SLC19A1: variants seen among roughly 807,000 people sequenced by gnomAD.
The protein encoded by SLC19A1 is reduced folate transporter.
A neutral mutation model predicts 35.3 loss-of-function variants in SLC19A1; 37 were observed. That is an observed-to-expected ratio of 1.05 (90% CI 0.81 to 1.38). The LOEUF (loss-of-function observed/expected upper bound fraction) is 1.38, where lower values mean the gene tolerates loss of function less well. Ranked by LOEUF, SLC19A1 falls within the 40% of genes most tolerant of loss-of-function variation. The probability of loss-of-function intolerance (pLI) is 0.00; values close to 1 mark genes in which losing one functional copy is unlikely to be tolerated. For synonymous variants in SLC19A1, 460 were observed against 398.5 expected (o/e 1.15, Z -1.84); for missense variants, 831 against 826.9 (o/e 1.00, Z -0.06).
At chr21:45,527,457 G>GT (rs2077675067) in intron 4 of SLC19A1, among the ~76,000 whole-genome samples, 1 of 143,190 alleles carries the variant, frequency 7.0e-6, no homozygotes, top group Non-Finnish European at 1.5e-5. Context: ...TGGCAGCCAG[G>GT]CAGGGCGGGC....
intron 1 of SLC19A1, among the ~76,000 whole-genome samples, chr21:45,538,295 GTTAA>G (rs1252491925): frequency 6.6e-6 from 1 of 152,250 alleles, no homozygotes. Context: ...TCAAAACCAA[GTTAA>G]TTAACTAATT....
At chr21:45,545,547 A>T (rs1264552369), upstream of SLC19A1, among the ~76,000 whole-genome samples, 1 of 151,992 alleles carries the variant, frequency 6.6e-6, no homozygotes, top group African/African-American at 2.4e-5. Context: ...TATGATACCC[A>T]GTCTCTGTGT....
At chr21:45,538,748 C>T (rs989845904) in intron 1 of SLC19A1, among the ~76,000 whole-genome samples, 3 of 152,150 alleles carry the variant, frequency 2.0e-5, no homozygotes, top group East Asian at 1.9e-4. Context: ...GCATCCCCGG[C>T]GGCAGGTTAC....
chr21:45,508,380 G>A (rs2037364666), downstream of SLC19A1, among the ~76,000 whole-genome samples: 1 of 151,156 alleles, frequency 6.6e-6, no homozygotes, highest in Non-Finnish European at 1.5e-5. Context: ...GTGGATGGAT[G>A]GTGGGCAGAT....
chr21:45,504,236 T>TG (rs1392002889), intron 3 of SLC19A1: 1 of 900,428 alleles, frequency 1.1e-6, no homozygotes, highest in Non-Finnish European at 1.8e-6. Context: ...GCTCAGTTTT[T>TG]GGGGGACTCG....
At chr21:45,547,416 C>T (rs1369419587), upstream of SLC19A1, among the ~76,000 whole-genome samples, 1 of 152,184 alleles carries the variant, frequency 6.6e-6, no homozygotes, top group Non-Finnish European at 1.5e-5. Context: ...TACCTGACCC[C>T]CTTTTGGAAT....
chr21:45,552,365 G>A (rs376804517), intron 1 of SLC19A1, among the ~76,000 whole-genome samples: 70 of 152,236 alleles, frequency 4.6e-4, no homozygotes, highest in African/African-American at 1.6e-3. Context: ...CTGCCCTCCT[G>A]TCCACTCCAG....
chr21:45,552,181 G>A (rs1167951115), intron 1 of SLC19A1, among the ~76,000 whole-genome samples: 1 of 152,190 alleles, frequency 6.6e-6, no homozygotes, highest in Non-Finnish European at 1.5e-5. Flanking sequence ...AGTGGGTGAG[G>A]CCACTGTCAG....
rs199718927 is a variant in SLC19A1 at position 45,505,857 on chromosome 21, G to A, written c.498-7245C>T. ...CAGCAGGTGAGGCTCTGGGCTACAC[G>A]CCAGGCCATGCTGGGCCAGGTGCAC... On this transcript the variant is annotated intron_variant, in intron 3 of 4. Coordinates refer to the SLC19A1 transcript ENST00000417954. 5.7e-5 allele frequency: 90 copies of A among 1,592,740 alleles called. No individual in the cohort carries two copies. The highest frequency in any genetic ancestry group is 3.0e-4 in the East Asian group (13 of 43,298).
Position 45,531,584 on chromosome 21 carries a change from C to T in SLC19A1, c.754G>A (p.Ala252Thr), listed in dbSNP as rs1330069067. ...LRVACGDSVL[A>T]RMLRELGDSL... Reference sequence around the variant, plus strand: ...TCCCCCAGCTCCCGCAGCATCCGCGCCAGCACTGAGTCCCCACAGGCCACC... The same window carrying T: ...TCCCCCAGCTCCCGCAGCATCCGCGTCAGCACTGAGTCCCCACAGGCCACC... The change falls in exon 3 of 6, where the codon GCG becomes ACG. Residue 252 changes from alanine to threonine, a missense_variant. Transcript: ENST00000311124. 3.7e-6 allele frequency: 6 copies of T among 1,612,280 alleles called. No homozygotes were observed. The African/African-American group carries it at 5.3e-5, about 14-fold the overall frequency.
intron 3 of SLC19A1, chr21:45,506,145 GT>G: frequency 4.3e-6 from 4 of 939,582 alleles, no homozygotes; most frequent in Non-Finnish European, 6.4e-6. Flanking sequence ...GCAGTTTTGG[GT>G]TTAAAGAAAA....
Position 45,560,525 on chromosome 21 carries a change from GGCACTGGCACCATGGTAGGAA to G in SLC19A1, c.-50+2196_-50+2216del, listed in dbSNP as rs527274196. Among the ~76,000 whole-genome samples, 303 of 151,652 alleles carry G rather than the reference GGCACTGGCACCATGGTAGGAA, an allele frequency of 2.0e-3. 2 individuals carry two copies. Among genetic ancestry groups the G allele is most frequent in the African/African-American group, 7.1e-3 (289 of 40,930 alleles). On this transcript the variant is annotated intron_variant, in intron 1 of 5. Transcript: ENST00000650808. ...GAGACGCCATGTGGGAATGGGATGT[GGCACTGGCACCATGGTAGGAA>G]GCGAAATCAGAGTCCAAACAAAGAG... is the stretch of plus-strand genomic sequence containing the variant.
chr21:45,529,765 G>A (rs182868346), intron 4 of SLC19A1, among the ~76,000 whole-genome samples: 92 of 151,724 alleles, frequency 6.1e-4, no homozygotes, highest in African/African-American at 2.1e-3. Flanking sequence ...GTAAGCATGT[G>A]GTGTGTTCAT....
chr21:45,511,636 A>G (rs1037846991), downstream of SLC19A1, among the ~76,000 whole-genome samples: 1 of 152,036 alleles, frequency 6.6e-6, no homozygotes, highest in Non-Finnish European at 1.5e-5. Context: ...GGGTATCTAG[A>G]AGAACGCTTC....
At chr21:45,506,202 G>A in intron 3 of SLC19A1, 1 of 562,176 alleles carries the variant, frequency 1.8e-6, no homozygotes, top group Admixed American at 2.9e-5. Context: ...GCGTGTGAGG[G>A]GCTCCTGGTG....
In SLC19A1 at chr21:45,504,585, C is replaced by T. The variant is rs934334461; in HGVS notation, c.498-5973G>A. On this transcript the variant is annotated intron_variant, in intron 3 of 4. Coordinates refer to the SLC19A1 transcript ENST00000417954. ...AGTCCCAGCCTGTGCAGGCAGAGCC[C>T]ATGTCCCAGGGGTCTGGGTGCAGGA... 7.1e-6 allele frequency: 11 copies of T among 1,554,382 alleles called. No homozygotes were observed. The African/African-American group carries it at 1.5e-4, about 21-fold the overall frequency.
At chr21:45,549,536 C>T (rs776061988) in intron 1 of SLC19A1, among the ~76,000 whole-genome samples, 7 of 149,100 alleles carry the variant, frequency 4.7e-5, no homozygotes, top group Admixed American at 3.4e-4. Flanking sequence ...CAAGCCCTCT[C>T]GTGTCTCTTG....
rs552683354 is a variant in SLC19A1, at chr21:45,534,762, G to A, written c.190-2614C>T. On this transcript the variant is annotated intron_variant, in intron 2 of 5. Transcript: ENST00000311124. The surrounding 1 kb of genome is among the most constrained non-coding windows in gnomAD (Gnocchi z 4.2). ...AGACAGCAGGGAGGCTCTGCCCAGA[G>A]CTGTGACCTGCGTCCCACTTACAAG... 1.6e-6 allele frequency: 1 copy of A among 625,110 alleles called. No individual in the cohort carries two copies. The highest frequency in any genetic ancestry group is 2.8e-5 in the Admixed American group (1 of 35,342). The allele number at this position is 625,110 out of a possible 1,614,324, so 38.7% of individuals were successfully genotyped here. A position where few individuals can be genotyped will look rare whatever the true frequency, so the allele number is the denominator to read the frequency against.
In SLC19A1 at chr21:45,531,925, G is replaced by A. The variant is rs754128429; in HGVS notation, c.413C>T (p.Ser138Phe). Residue 138 changes from serine (S) to phenylalanine (F), a missense_variant, in exon 3 of 6, where the codon TCC becomes TTC. Physicochemically the swap from Ser to Phe is radical, Grantham distance 155. Transcript: ENST00000311124. ...GGGCCGCACGAGAGAGAAGATGTAGGAGGAATAGGCGATGCGCGCGGCCAT... is the reference window on the plus strand; with the variant it reads ...GGGCCGCACGAGAGAGAAGATGTAGAAGGAATAGGCGATGCGCGCGGCCAT... ...VTMAARIAYS[S>F]YIFSLVRPAR... 6.3e-6 allele frequency: 10 copies of A among 1,599,232 alleles called. No individual in the cohort carries two copies. The highest frequency in any genetic ancestry group is 7.7e-6 in the Non-Finnish European group (9 of 1,173,596).
Sources: gnomAD v4.1 joint callset for allele counts (sites outside exome capture counted in the v4.1 genomes callset) on GRCh38, gnomAD v4.1.1 for gene constraint, Gnocchi (gnomAD v3.1) non-coding constraint, MANE v1.5 for transcripts, NCBI Gene and HGNC (gene_info 2026-07-23, HGNC 2026-07-21) for gene names.